TMF1: variants seen among roughly 807,000 people sequenced by gnomAD.
TMF1 encodes TATA element modulatory factor 1, also known as TATA element modulatory factor.
A neutral mutation model predicts 126.5 loss-of-function variants in TMF1; 71 were observed. The observed-to-expected ratio is 0.56, with a 90% CI of 0.46 to 0.68. The LOEUF is 0.68. Ranked by LOEUF, TMF1 falls within the 30% of genes least tolerant of loss-of-function variation. The pLI, the probability that TMF1 is intolerant of heterozygous loss-of-function variation, is 0.00. For synonymous variants in TMF1, 461 were observed against 430.5 expected (o/e 1.07, Z -0.88); for missense variants, 1,259 against 1,253.2 (o/e 1.00, Z -0.07).
rs1323697773 is a variant in TMF1 at position 69,052,287 on chromosome 3, T to TGTGCGC, written c.-207_-202dup. ...GCACAGCTGAGACGAAGGGGGCCCATGTGCGCATGCGCTTGCTTCTTCCAC... is the reference window on the plus strand; with the variant it reads ...GCACAGCTGAGACGAAGGGGGCCCATGTGCGCGTGCGCATGCGCTTGCTTCTTCCAC... On this transcript the variant is annotated 5_prime_UTR_variant, in exon 1 of 17. Transcript: ENST00000398559. 67 of 480,480 alleles carry TGTGCGC rather than the reference T, an allele frequency of 1.4e-4. No individual in the cohort carries two copies. The East Asian group carries it at 2.1e-3, about 15-fold the overall frequency. The allele number at this position is 480,480 out of a possible 1,614,324, so 29.8% of individuals were successfully genotyped here.
chr3:69,024,894 A>G (rs138457450), intron 15 of TMF1: 6 of 150,524 alleles, frequency 4.0e-5, no homozygotes, highest in Non-Finnish European at 7.4e-5. Flanking sequence ...AAAATGCTCA[A>G]TTGAGCTTTT....
chr3:69,051,921 G>A lies in TMF1; in HGVS notation c.142+24C>T, dbSNP rs773997725. ...GAGAACAGCAGCCTCCGGGAGCCAG[G>A]AACCCCGCTCCTCTCTCTCTTACCC... is the stretch of plus-strand genomic sequence containing the variant. On this transcript the variant is annotated intron_variant, in intron 1 of 16. Transcript: ENST00000398559. The A allele has an allele frequency of 4.3e-6, 7 of 1,609,200 alleles. No individual in the cohort carries two copies. The African/African-American group carries it at 8.0e-5, about 18-fold the overall frequency.
intron 5 of TMF1, among the ~76,000 whole-genome samples, chr3:69,041,313 C>T (rs547642584): frequency 1.3e-5 from 2 of 152,122 alleles, no homozygotes; most frequent in South Asian, 2.1e-4. Flanking sequence ...CCTATATTTC[C>T]CTCTCACTGA....
rs905631662 is a variant in TMF1 at position 69,021,296 on chromosome 3, T to TG, written c.*1880dup. Reference sequence around the variant, plus strand: ...ACTATCCATGGTTTCAGACGTTCACTGGGGGTCTTGGAACGTATGTCCCAT... The same window carrying TG: ...ACTATCCATGGTTTCAGACGTTCACTGGGGGGTCTTGGAACGTATGTCCCAT... On this transcript the variant is annotated 3_prime_UTR_variant, in exon 17 of 17. Coordinates refer to ENST00000398559, the MANE Select transcript of TMF1 (RefSeq NM_007114.3). The TG allele has an allele frequency of 1.3e-5, 2 of 152,622 alleles. No homozygotes were observed. Among genetic ancestry groups the TG allele is most frequent in the African/African-American group, 4.8e-5 (2 of 41,438 alleles). The allele number at this position is 152,622 out of a possible 1,614,324, so 9.5% of individuals were successfully genotyped here. A position where few individuals can be genotyped will look rare whatever the true frequency, so the allele number is the denominator to read the frequency against.
At chr3:69,031,506 C>G (rs1038371341) in intron 10 of TMF1, among the ~76,000 whole-genome samples, 2 of 151,918 alleles carry the variant, frequency 1.3e-5, no homozygotes, top group African/African-American at 4.8e-5. Context: ...ATGTCAATAC[C>G]ATGGTTGTGA....
At chr3:69,032,799 G>A (rs1397073977) in intron 10 of TMF1, among the ~76,000 whole-genome samples, 9 of 151,750 alleles carry the variant, frequency 5.9e-5, no homozygotes, top group Non-Finnish European at 1.2e-4. Flanking sequence ...TGGTAGAGAC[G>A]GGGGTCTCAT....
At chr3:69,048,662 A>G in intron 1 of TMF1, 100 bp from the exon 2 acceptor site, 1 of 1,118,698 alleles carries the variant, frequency 8.9e-7, no homozygotes, top group Non-Finnish European at 1.2e-6. Context: ...TAGAAAAAAT[A>G]CCCTATGAAA....
chr3:69,026,430 C>A (rs1326646521), intron 13 of TMF1, among the ~76,000 whole-genome samples: 1 of 152,054 alleles, frequency 6.6e-6, no homozygotes, highest in Non-Finnish European at 1.5e-5. Flanking sequence ...AACCTCGTCT[C>A]TACTAAAAAT....
In TMF1 at chr3:69,038,666, T is replaced by C. The variant is rs1409360495; in HGVS notation, c.2049A>G (p.Glu683=). The change falls in exon 8 of 17, where the codon GAA becomes GAG. Residue 683 remains glutamate (E), a synonymous_variant. Coordinates refer to ENST00000398559, the MANE Select transcript of TMF1 (RefSeq NM_007114.3). ...CTTTCATTTCACGGCTCAGAGCAGC[T>C]TCCTGTGCCTCACTATCCTTTGCAG... ...ANAAKDSEAQ[E]AALSREMKAK... is the part of the protein sequence containing the mutation. The C allele has an allele frequency of 6.2e-7, 1 of 1,614,094 alleles. No individual in the cohort carries two copies. The highest frequency in any genetic ancestry group is 8.5e-7 in the Non-Finnish European group (1 of 1,180,034).
chr3:69,025,521 C>G, intron 15 of TMF1, 39 bp downstream of exon 15: 3 of 1,572,386 alleles, frequency 1.9e-6, no homozygotes, highest in Non-Finnish European at 2.6e-6. Context: ...GGCCTCAAAA[C>G]TTCATTTACT....
rs1575805487 is a variant in TMF1, at chr3:69,022,137, C to G, written c.*1040G>C. On this transcript the variant is annotated 3_prime_UTR_variant, in exon 17 of 17. Transcript: ENST00000398559. ...GGCATAGCTACTTTTAAAAGCTATT[C>G]TATGCTTTCCTTGTGTTTGAAATTT... 1 of 152,526 alleles carries G rather than the reference C, an allele frequency of 6.6e-6. No homozygotes were observed. Among genetic ancestry groups the G allele is most frequent in the African/African-American group, 2.4e-5 (1 of 41,424 alleles). 9.4% of individuals were successfully genotyped at this position (152,526 alleles called of 1,614,324 possible). A position where few individuals can be genotyped will look rare whatever the true frequency, so the allele number is the denominator to read the frequency against.
intron 4 of TMF1, 117 bp downstream of exon 4, chr3:69,043,633 G>C: frequency 9.9e-7 from 1 of 1,010,644 alleles, no homozygotes; most frequent in Non-Finnish European, 1.4e-6. Context: ...AATGTTAATA[G>C]ATGATATCCT....
At chr3:69,038,785 C>G in intron 7 of TMF1, 58 bp downstream of exon 7, 1 of 1,587,254 alleles carries the variant, frequency 6.3e-7, no homozygotes, top group East Asian at 2.2e-5. Flanking sequence ...AGTATTTCTT[C>G]AACATCCTAC....
intron 1 of TMF1, among the ~76,000 whole-genome samples, chr3:69,050,129 G>A (rs184601560): frequency 2.0e-5 from 3 of 151,852 alleles, no homozygotes; most frequent in South Asian, 2.1e-4. Context: ...GTGTGGTGAC[G>A]CAAACCTGCA....
At chr3:69,028,763 A>C (rs895785491) in intron 11 of TMF1, among the ~76,000 whole-genome samples, 1 of 152,230 alleles carries the variant, frequency 6.6e-6, no homozygotes, top group Admixed American at 6.5e-5. Flanking sequence ...AATCTCAGAT[A>C]GATGGATTTT....
Position 69,048,002 on chromosome 3 carries a change from C to T in TMF1, c.703G>A (p.Glu235Lys). ...IALEPKEQKH[E>K]DRQSNTPSPP... ...GAAGGTGTATTGCTCTGCCTGTCTT[C>T]ATGTTTTTGTTCCTTAGGTTCCAAA... is the stretch of plus-strand genomic sequence containing the variant. Residue 235 changes from glutamate (E) to lysine (K), a missense_variant, in exon 2 of 17, where the codon GAA becomes AAA. By Grantham distance (56) the Glu-to-Lys change is moderately conservative. Coordinates refer to ENST00000398559, the MANE Select transcript of TMF1 (RefSeq NM_007114.3). 1 of 1,613,884 alleles carries T rather than the reference C, an allele frequency of 6.2e-7. No individual in the cohort carries two copies. Among genetic ancestry groups the T allele is most frequent in the Non-Finnish European group, 8.5e-7 (1 of 1,180,026 alleles).
intron 10 of TMF1, among the ~76,000 whole-genome samples, chr3:69,030,999 C>CAA (rs1329585175): frequency 6.6e-6 from 1 of 152,110 alleles, no homozygotes; most frequent in Non-Finnish European, 1.5e-5. Flanking sequence ...TCAGCCTGGA[C>CAA]GTCCCTTGTG....
rs1229185892 is a variant in TMF1 at position 69,021,116 on chromosome 3, A to G, written c.*2061T>C. On this transcript the variant is annotated 3_prime_UTR_variant, in exon 17 of 17. Coordinates refer to ENST00000398559, the MANE Select transcript of TMF1 (RefSeq NM_007114.3). ...CAATAAGATATTTTGAGAGAAAGAG[A>G]CAGACATATCACATTTACATCACTT... The G allele has an allele frequency of 2.0e-5, 3 of 152,238 alleles. No individual in the cohort carries two copies. The highest frequency in any genetic ancestry group is 4.4e-5 in the Non-Finnish European group (3 of 68,028). 9.4% of individuals were successfully genotyped at this position (152,238 alleles called of 1,614,324 possible). A position where few individuals can be genotyped will look rare whatever the true frequency, so the allele number is the denominator to read the frequency against.
In TMF1 at chr3:69,039,548, C is replaced by T; in HGVS notation, c.1827+3G>A. ...TATGTAGAGAATTATGATTGCTATT[C>T]ACCTGTTTCAAATGCTGCAACTCCT... is the stretch of plus-strand genomic sequence containing the variant. On this transcript the variant is annotated splice_donor_region_variant and intron_variant, in intron 6 of 16. Transcript: ENST00000398559. 1 of 1,609,992 alleles carries T rather than the reference C, an allele frequency of 6.2e-7. No homozygotes were observed. The highest frequency in any genetic ancestry group is 1.1e-5 in the South Asian group (1 of 90,008).
Sources: allele counts gnomAD v4.1 joint callset (sites outside exome capture counted in the v4.1 genomes callset), GRCh38; gene constraint gnomAD v4.1.1; transcripts MANE v1.5; gene names NCBI Gene and HGNC (gene_info 2026-07-23, HGNC 2026-07-21).